NCOR1: variants seen among roughly 807,000 people sequenced by gnomAD.
NCOR1 encodes nuclear receptor corepressor 1.
A neutral mutation model predicts 288.1 loss-of-function variants in NCOR1; 63 were observed. The observed-to-expected ratio is 0.22, with a 90% confidence interval of 0.18 to 0.27. The LOEUF (loss-of-function observed/expected upper bound fraction) is 0.27. Among genes scored for constraint, NCOR1 ranks in the 10% least tolerant of loss-of-function variants. The probability of loss-of-function intolerance (pLI) is 1.00; values close to 1 mark genes in which losing one functional copy is unlikely to be tolerated. For missense variants in NCOR1, 2,397 were observed against 3,019.2 expected (o/e 0.79, Z 4.83); for synonymous variants, 1,007 against 1,065.9 (o/e 0.94, Z 1.08).
intron 3 of NCOR1, among the ~76,000 whole-genome samples, chr17:16,173,227 C>T (rs1286348551): frequency 2.0e-5 from 3 of 152,062 alleles, no homozygotes; most frequent in Non-Finnish European, 4.4e-5. Flanking sequence ...GGCCTGAATG[C>T]TAAATTCTGT....
intron 20 of NCOR1, among the ~76,000 whole-genome samples, chr17:16,098,962 C>T (rs1379295362): frequency 6.6e-6 from 1 of 152,152 alleles, no homozygotes; most frequent in Non-Finnish European, 1.5e-5. Flanking sequence ...AAACTAGTTA[C>T]CTGTTAGAGG....
intron 2 of NCOR1, among the ~76,000 whole-genome samples, chr17:16,188,493 C>A (rs2087278619): frequency 6.6e-6 from 1 of 151,610 alleles, no homozygotes; most frequent in East Asian, 1.9e-4. Flanking sequence ...CTCCTGTAAT[C>A]CCAGCTACTC....
At chr17:16,171,733 C>T in intron 4 of NCOR1, 70 bp downstream of exon 4, 2 of 1,294,078 alleles carry the variant, frequency 1.5e-6, no homozygotes, top group African/African-American at 3.1e-5. Context: ...CTTTGAGGTG[C>T]TATGCATGAG....
chr17:16,177,093 T>A (rs980458031), intron 3 of NCOR1, among the ~76,000 whole-genome samples: 1 of 152,042 alleles, frequency 6.6e-6, no homozygotes. Context: ...GCACTCACTC[T>A]AATTATATCA....
At chr17:16,056,674 C>G (rs1005893485) in intron 40 of NCOR1, among the ~76,000 whole-genome samples, 3 of 152,042 alleles carry the variant, frequency 2.0e-5, no homozygotes, top group Non-Finnish European at 4.4e-5. Flanking sequence ...TTAACATTTG[C>G]TAATATTTAG....
At position 16,061,438 on chromosome 17, in the gene NCOR1, C is replaced by T. The variant is rs1042775536; in HGVS notation, c.5844G>A (p.Arg1948=). Reference sequence around the variant, plus strand: ...AGTCTGAACTTTGAGAGCCACGTTCCCTCGCATCCTTGTCCGAGGCAATTT... The same window carrying T: ...AGTCTGAACTTTGAGAGCCACGTTCTCTCGCATCCTTGTCCGAGGCAATTT... ...TRQIASDKDA[R]ERGSQSSDSS... is the part of the protein sequence containing the mutation. The change falls in exon 37 of 46, where the codon AGG becomes AGA. Residue 1948 remains arginine, a synonymous_variant. Transcript: ENST00000268712. 3.7e-6 allele frequency: 6 copies of T among 1,614,040 alleles called. No individual in the cohort carries two copies. Among genetic ancestry groups the T allele is most frequent in the South Asian group, 1.1e-5 (1 of 91,084 alleles).
intron 11 of NCOR1, among the ~76,000 whole-genome samples, chr17:16,139,602 C>T (rs574505597): frequency 2.8e-4 from 43 of 152,182 alleles, no homozygotes; most frequent in African/African-American, 9.6e-4. Context: ...CGTCATATTA[C>T]AGAACAATAA....
At chr17:16,200,259 C>T (rs925604970) in intron 1 of NCOR1, among the ~76,000 whole-genome samples, 3 of 151,666 alleles carry the variant, frequency 2.0e-5, no homozygotes, top group Admixed American at 2.0e-4. Flanking sequence ...AAGCCAAGGC[C>T]GGCGGATCAC....
At position 16,124,628 on chromosome 17, in the gene NCOR1, C is replaced by A. The variant is rs77077482; in HGVS notation, c.1634+1454G>T. On this transcript the variant is annotated intron_variant, in intron 15 of 45. Coordinates refer to ENST00000268712, the MANE Select transcript of NCOR1 (RefSeq NM_006311.4). Reference sequence around the variant, plus strand: ...CACTCCTACCACACCCCTGTATGTCCACAAAAGCATCAACAATAACTCCCT... The same window carrying A: ...CACTCCTACCACACCCCTGTATGTCAACAAAAGCATCAACAATAACTCCCT... 1.0e-2 allele frequency among the ~76,000 whole-genome samples: 1,518 copies of A among 152,264 alleles called. 25 individuals are homozygous for A. Among genetic ancestry groups the A allele is most frequent in the African/African-American group, 0.034 (1,430 of 41,550 alleles).
At chr17:16,185,951 GA>G (rs1268000989) in intron 3 of NCOR1, among the ~76,000 whole-genome samples, 1 of 151,694 alleles carries the variant, frequency 6.6e-6, no homozygotes, top group East Asian at 1.9e-4. Flanking sequence ...CAAAAAACAA[GA>G]AAAAACAAAC....
intron 1 of NCOR1, among the ~76,000 whole-genome samples, chr17:16,196,907 C>G (rs973433316): frequency 2.0e-5 from 3 of 151,738 alleles, no homozygotes; most frequent in African/African-American, 7.3e-5. Flanking sequence ...GTCCCAGCTA[C>G]CTGGGAGGCT....
chr17:16,091,663 T>C (rs1055343822), intron 22 of NCOR1, 200 bp downstream of exon 22: 3 of 1,396,346 alleles, frequency 2.1e-6, no homozygotes, highest in Non-Finnish European at 2.8e-6. Context: ...CTATTAAAAA[T>C]GTTACTGGCA....
chr17:16,145,228 T>C (rs2153331503), intron 10 of NCOR1, among the ~76,000 whole-genome samples: 1 of 152,310 alleles, frequency 6.6e-6, no homozygotes, highest in South Asian at 2.1e-4. Context: ...TGCAGTGCAG[T>C]GGCGTGATCT....
At position 16,194,554 on chromosome 17, in the gene NCOR1, A is replaced by G; in HGVS notation, c.16T>C (p.Tyr6His). 6.2e-7 allele frequency: 1 copy of G among 1,602,534 alleles called. No individual in the cohort carries two copies. Residue 6 changes from tyrosine (Y) to histidine (H), a missense_variant, in exon 2 of 46, where the codon TAT becomes CAT. This residue lies in a region of NCOR1 where 55 missense variants were observed against 69.6 expected (regional missense o/e 0.79). Coordinates refer to ENST00000268712, the MANE Select transcript of NCOR1 (RefSeq NM_006311.4). The part of the protein sequence containing the change: MSSSG[Y>H]PPNQGAFSTE... ...CTGAATGCTCCTTGGTTGGGAGGATAACCTGAACTTGACATTATCAGTAAA... is the reference window on the plus strand; with the variant it reads ...CTGAATGCTCCTTGGTTGGGAGGATGACCTGAACTTGACATTATCAGTAAA...
chr17:16,050,933 C>T (rs993447664), intron 40 of NCOR1, among the ~76,000 whole-genome samples: 2 of 152,068 alleles, frequency 1.3e-5, no homozygotes, highest in Admixed American at 6.6e-5. Flanking sequence ...TCTGCGCTCA[C>T]GTGATCCTCC....
At chr17:16,142,617 T>C (rs149920162) in intron 11 of NCOR1, among the ~76,000 whole-genome samples, 214 of 152,316 alleles carry the variant, frequency 1.4e-3, no homozygotes, top group African/African-American at 5.1e-3. Flanking sequence ...AACTCAAAGA[T>C]AGCCTGACCC....
At chr17:16,164,014 A>C (rs188474462) in intron 5 of NCOR1, among the ~76,000 whole-genome samples, 118 of 152,300 alleles carry the variant, frequency 7.7e-4, no homozygotes, top group African/African-American at 2.7e-3. Context: ...AGTAACTGCT[A>C]GTAGGTATGG....
chr17:16,044,886 GAGA>G lies in NCOR1; in HGVS notation c.6679+2062_6679+2064del, dbSNP rs2058400171. 3 of 741,418 alleles carry G rather than the reference GAGA, an allele frequency of 4.0e-6. No individual in the cohort carries two copies. In the South Asian group the frequency reaches 4.4e-5, roughly 11 times the overall value. The allele number at this position is 741,418 out of a possible 1,614,324, so 45.9% of individuals were successfully genotyped here. On this transcript the variant is annotated intron_variant, in intron 42 of 45. Coordinates refer to ENST00000268712, the MANE Select transcript of NCOR1 (RefSeq NM_006311.4). ...CCACTCCACTGCTGCTGCTCCAGCT[GAGA>G]AGAAAGTGGAAGCAAACAAAGAAGA...
chr17:16,098,454 A>G lies in NCOR1; in HGVS notation c.2733T>C (p.Thr911=), dbSNP rs1313896371. Residue 911 remains threonine (T), a synonymous_variant, in exon 21 of 46, where the codon ACT becomes ACC. Transcript: ENST00000268712. ...MDSKPSLLNP[T]GSILVSSPLK... is the part of the protein sequence containing the mutation. The stretch of plus-strand genomic sequence containing the variant: ...ACGGAGATGAGACGAGTATAGATCC[A>G]GTGGGGTTTAACAGTGAAGGCTTTG... The G allele has an allele frequency of 1.2e-6, 2 of 1,613,780 alleles. No homozygotes were observed. The highest frequency in any genetic ancestry group is 2.7e-5 in the African/African-American group (2 of 74,936).
Sources: allele counts gnomAD v4.1 joint callset (sites outside exome capture counted in the v4.1 genomes callset), GRCh38; gene constraint gnomAD v4.1.1; regional missense constraint gnomAD v4.1.1; transcripts MANE v1.5; gene names NCBI Gene and HGNC (gene_info 2026-07-23, HGNC 2026-07-21).